The following TMTC2 variants were observed in gnomAD, a reference collection of about 807,000 sequenced individuals.
The protein encoded by TMTC2 is transmembrane O-mannosyltransferase targeting cadherins 2.
Under a neutral mutation model 82.4 loss-of-function variants are expected in TMTC2, and 43 were observed. The observed-to-expected ratio is 0.52, with a 90% confidence interval of 0.41 to 0.67. The LOEUF (loss-of-function observed/expected upper bound fraction) is 0.67, where lower values mean the gene tolerates loss of function less well. TMTC2 is among the 30% of genes least tolerant of loss of function. The probability of loss-of-function intolerance (pLI) is 0.00; values close to 1 mark genes in which losing one functional copy is unlikely to be tolerated. For missense variants in TMTC2, 919 were observed against 1,012.4 expected (o/e 0.91, Z 1.25); for synonymous variants, 408 against 381.9 (o/e 1.07, Z -0.80).
intron 1 of TMTC2, among the ~76,000 whole-genome samples, chr12:82,810,976 T>A (rs1868364235): frequency 6.6e-6 from 1 of 152,142 alleles, no homozygotes; most frequent in South Asian, 2.1e-4. Flanking sequence ...ACGCCTGTAA[T>A]CCTAGCACTT....
chr12:82,767,979 G>C (rs78959459), intron 1 of TMTC2, among the ~76,000 whole-genome samples: 1 of 152,032 alleles, frequency 6.6e-6, no homozygotes, highest in Non-Finnish European at 1.5e-5. Context: ...GAAACAATTC[G>C]TTTCAAAAGT....
chr12:82,739,871 T>C (rs1284409170), intron 1 of TMTC2, among the ~76,000 whole-genome samples: 3 of 151,074 alleles, frequency 2.0e-5, no homozygotes, highest in Non-Finnish European at 4.4e-5. Context: ...GAACCAGTAT[T>C]GTAGAACCAG....
At chr12:82,693,778 G>T (rs549774796) in intron 1 of TMTC2, among the ~76,000 whole-genome samples, 1 of 152,058 alleles carries the variant, frequency 6.6e-6, no homozygotes, top group Non-Finnish European at 1.5e-5. Context: ...GACCAGCCTG[G>T]CCAACGTGGT....
intron 11 of TMTC2, among the ~76,000 whole-genome samples, chr12:83,100,127 T>A (rs1884166815): frequency 6.6e-6 from 1 of 151,932 alleles, no homozygotes; most frequent in Admixed American, 6.6e-5. Flanking sequence ...ACCATGTTGG[T>A]CAGGCCGGTC....
intron 7 of TMTC2, among the ~76,000 whole-genome samples, chr12:82,980,988 T>G (rs1261252660): frequency 6.6e-6 from 1 of 151,872 alleles, no homozygotes; most frequent in Non-Finnish European, 1.5e-5. Context: ...ACTGATAAAT[T>G]ATTTCTTTGT....
chr12:82,808,522 A>C lies in TMTC2; in HGVS notation c.84-48488A>C, dbSNP rs144666212. Among the ~76,000 whole-genome samples, 1,279 of 152,236 alleles carry C rather than the reference A, an allele frequency of 8.4e-3. 18 individuals are homozygous for C. The highest frequency in any genetic ancestry group is 0.03 in the African/African-American group (1,230 of 41,570). ...TTCGTAGATATGGAAACTGAGCTGA[A>C]ACATTAAATAAATTAATCATCAAGA... On this transcript the variant is annotated intron_variant, in intron 1 of 11. Transcript: ENST00000321196.
chr12:82,927,222 T>A (rs141537646), intron 3 of TMTC2, among the ~76,000 whole-genome samples: 187 of 152,246 alleles, frequency 1.2e-3, no homozygotes, highest in African/African-American at 4.0e-3. Flanking sequence ...AGTCAGAATA[T>A]CAACATTAGC....
chr12:82,936,689 A>G (rs1028599492), intron 4 of TMTC2, among the ~76,000 whole-genome samples: 3 of 152,098 alleles, frequency 2.0e-5, no homozygotes, highest in African/African-American at 7.3e-5. Context: ...GCTGCCTTGG[A>G]AAGCAAACTT....
chr12:82,885,147 C>G (rs1029261192), intron 2 of TMTC2, among the ~76,000 whole-genome samples: 1 of 151,688 alleles, frequency 6.6e-6, no homozygotes, highest in East Asian at 1.9e-4. Context: ...AAGTAATCCT[C>G]CCACCTTGGC....
At chr12:82,903,043 C>T (rs1874104057) in intron 3 of TMTC2, among the ~76,000 whole-genome samples, 1 of 152,260 alleles carries the variant, frequency 6.6e-6, no homozygotes, top group African/African-American at 2.4e-5. Flanking sequence ...CTTTGATGTG[C>T]CTTTTATATG....
At chr12:82,991,144 C>A (rs914042112) in intron 8 of TMTC2, among the ~76,000 whole-genome samples, 3 of 152,112 alleles carry the variant, frequency 2.0e-5, no homozygotes, top group African/African-American at 7.2e-5. Flanking sequence ...CCTCAAAAGT[C>A]ATTTCACTAC....
chr12:82,840,837 T>C (rs544719303), intron 1 of TMTC2, among the ~76,000 whole-genome samples: 270 of 152,340 alleles, frequency 1.8e-3, no homozygotes, highest in African/African-American at 6.2e-3. Flanking sequence ...TGGAGTACAG[T>C]GGCGTGATCT....
chr12:83,016,140 G>T (rs1880667136), intron 8 of TMTC2, among the ~76,000 whole-genome samples: 1 of 152,126 alleles, frequency 6.6e-6, no homozygotes, highest in South Asian at 2.1e-4. Context: ...ACCCTGTTTG[G>T]TCAAAAAATG....
chr12:82,895,936 A>G lies in TMTC2; in HGVS notation c.773A>G (p.Asn258Ser). The G allele has an allele frequency of 6.2e-7, 1 of 1,613,682 alleles. No individual in the cohort carries two copies. The highest frequency in any genetic ancestry group is 8.5e-7 in the Non-Finnish European group (1 of 1,179,956). The change falls in exon 3 of 12, where the codon AAC becomes AGC. Residue 258 changes from asparagine to serine, a missense_variant. Physicochemically the swap from Asn to Ser is conservative, Grantham distance 46. Coordinates refer to ENST00000321196, the MANE Select transcript of TMTC2 (RefSeq NM_152588.3). ...CCACCAAGCTTTTCCAACTCGGACA[A>G]CCCCGCTGCTGATTCGGACAGCCTC... ...NKPPSFSNSD[N>S]PAADSDSLLT...
chr12:82,856,763 C>T (rs1465334586), intron 1 of TMTC2, among the ~76,000 whole-genome samples: 1 of 152,026 alleles, frequency 6.6e-6, no homozygotes, highest in Non-Finnish European at 1.5e-5. Flanking sequence ...AGTTGAAGAA[C>T]TTTATTCTTC....
intron 11 of TMTC2, among the ~76,000 whole-genome samples, chr12:83,111,534 A>C (rs1205249520): frequency 1.3e-5 from 2 of 152,168 alleles, no homozygotes; most frequent in Admixed American, 6.6e-5. Flanking sequence ...GCCAGATGTG[A>C]CCCACAGACT....
At chr12:83,033,198 G>C (rs930024342) in intron 9 of TMTC2, among the ~76,000 whole-genome samples, 7 of 152,136 alleles carry the variant, frequency 4.6e-5, no homozygotes, top group Admixed American at 4.6e-4. Flanking sequence ...CCATAATTGA[G>C]TGCGTGAGAT....
In TMTC2 at chr12:82,953,175, C is replaced by T. The variant is rs78255608; in HGVS notation, c.1599-11849C>T. Among the ~76,000 whole-genome samples, 7 of 152,268 alleles carry T rather than the reference C, an allele frequency of 4.6e-5. No individual in the cohort carries two copies. The East Asian group carries it at 1.4e-3, about 29-fold the overall frequency. On this transcript the variant is annotated intron_variant, in intron 4 of 11. Transcript: ENST00000321196. Reference sequence around the variant, plus strand: ...GTGGGGTAAGGGAGGAAGTGCGCTCCTTTCAGGTGATTTCCTAAAGCAATG... The same window carrying T: ...GTGGGGTAAGGGAGGAAGTGCGCTCTTTTCAGGTGATTTCCTAAAGCAATG...
intron 1 of TMTC2, among the ~76,000 whole-genome samples, chr12:82,706,071 G>A (rs199789632): frequency 1.3e-5 from 2 of 152,154 alleles, no homozygotes; most frequent in East Asian, 1.9e-4. Context: ...CACCCTGGGA[G>A]GCTGAGGTGG....
Sources: allele counts gnomAD v4.1 joint callset (sites outside exome capture counted in the v4.1 genomes callset), GRCh38; gene constraint gnomAD v4.1.1; transcripts MANE v1.5; gene names NCBI Gene and HGNC (gene_info 2026-07-23, HGNC 2026-07-21).